NFIX: variants seen among roughly 807,000 people sequenced by gnomAD.
NFIX encodes the protein nuclear factor 1 X-type.
In NFIX, 2 loss-of-function variants were observed where a neutral mutation model predicts 53.3. That is an observed-to-expected ratio of 0.04 (90% CI 0.02 to 0.12). NFIX has a LOEUF of 0.12. Among genes scored for constraint, NFIX ranks in the 10% least tolerant of loss-of-function variants. The probability of loss-of-function intolerance (pLI) is 1.00; values close to 1 mark genes in which losing one functional copy is unlikely to be tolerated. For synonymous variants in NFIX, 244 were observed against 289.0 expected, an observed-to-expected ratio of 0.84 and a Z score of 1.58; for missense variants, 310 against 674.5, an observed-to-expected ratio of 0.46 and a Z score of 5.99.
chr19:13,076,961 C>G (rs2017140923), intron 6 of NFIX, among the ~76,000 whole-genome samples: 1 of 152,092 alleles, frequency 6.6e-6, no homozygotes, highest in South Asian at 2.1e-4. Context: ...GGGGCCCCTC[C>G]CAGGCTCTCC....
At chr19:13,035,954 G>A (rs1272317980) in intron 2 of NFIX, among the ~76,000 whole-genome samples, 3 of 152,168 alleles carry the variant, frequency 2.0e-5, no homozygotes, top group Non-Finnish European at 2.9e-5. Context: ...CAGTTTCAGC[G>A]TGTCATTCCT....
chr19:13,093,566 G>A lies in NFIX; in HGVS notation c.1495-1069G>A, dbSNP rs980419274. ...CATTTGAACCCTGGCTCTGTTGCCCGAGGGCTGTGTGGCCTCAGGCAGGTC... is the reference window on the plus strand; with the variant it reads ...CATTTGAACCCTGGCTCTGTTGCCCAAGGGCTGTGTGGCCTCAGGCAGGTC... On this transcript the variant is annotated intron_variant, in intron 10 of 10. Transcript: ENST00000592199. This position sits in a 1 kb window ranked among gnomAD's most constrained non-coding sequence, Gnocchi z 4.7. Among the ~76,000 whole-genome samples the A allele has an allele frequency of 6.6e-6, 1 of 152,200 alleles. No homozygotes were observed. The highest frequency in any genetic ancestry group is 1.5e-5 in the Non-Finnish European group (1 of 68,040).
intron 8 of NFIX, among the ~76,000 whole-genome samples, chr19:13,083,378 C>A (rs1271318769): frequency 6.6e-6 from 1 of 152,170 alleles, no homozygotes; most frequent in Admixed American, 6.5e-5. Context: ...TTCAGGCTGG[C>A]CTAGAGACCG....
rs189055957 is a variant in NFIX at position 13,090,670 on chromosome 19, C to T, written c.1494+280C>T. ...ACCCAAGTCTAGAGGCCCTCTGGGC[C>T]AGGCCTGGTAGAAGCAAAGATGGAA... On this transcript the variant is annotated intron_variant, in intron 10 of 10. Coordinates refer to ENST00000592199, the MANE Select transcript of NFIX (RefSeq NM_001365902.3). This position sits in a 1 kb window ranked among gnomAD's most constrained non-coding sequence, Gnocchi z 6.6. Among the ~76,000 whole-genome samples the T allele has an allele frequency of 4.4e-3, 666 of 152,354 alleles. 10 individuals carry two copies. Among genetic ancestry groups the T allele is most frequent in the South Asian group, 0.019 (92 of 4,834 alleles).
intron 1 of NFIX, among the ~76,000 whole-genome samples, chr19:13,010,182 G>A (rs2012254095): frequency 1.3e-5 from 2 of 152,156 alleles, no homozygotes; most frequent in Admixed American, 6.5e-5. Flanking sequence ...ACGACATCCC[G>A]CCTTGGCCTG....
chr19:13,061,703 G>T (rs926074023), intron 2 of NFIX, among the ~76,000 whole-genome samples: 1 of 152,226 alleles, frequency 6.6e-6, no homozygotes, highest in East Asian at 1.9e-4. Context: ...GCTGTCAGTC[G>T]GAGGATCAGT....
chr19:13,094,087 C>T lies in NFIX; in HGVS notation c.1495-548C>T, dbSNP rs553373346. Among the ~76,000 whole-genome samples the T allele has an allele frequency of 6.8e-4, 104 of 152,302 alleles. No individual in the cohort carries two copies. Among genetic ancestry groups the T allele is most frequent in the African/African-American group, 2.4e-3 (99 of 41,560 alleles). On this transcript the variant is annotated intron_variant, in intron 10 of 10. Coordinates refer to ENST00000592199, the MANE Select transcript of NFIX (RefSeq NM_001365902.3). The surrounding 1 kb of genome is among the most constrained non-coding windows in gnomAD (Gnocchi z 4.3). ...TACGTGGCCCCTCCCCCAGGCCTGG[C>T]GCTACTAGGGACTGAAGCTGTGTGG...
chr19:13,009,531 C>T lies in NFIX; in HGVS notation c.27+13667C>T, dbSNP rs2012214733. Among the ~76,000 whole-genome samples the T allele has an allele frequency of 6.6e-6, 1 of 152,218 alleles. No individual in the cohort carries two copies. Among genetic ancestry groups the T allele is most frequent in the African/African-American group, 2.4e-5 (1 of 41,460 alleles). Reference sequence around the variant, plus strand: ...AGCTTTTCATCCCCCTTCTGGCCACCTGAGGCTCCTCCTTCTGGCCTTCCC... The same window carrying T: ...AGCTTTTCATCCCCCTTCTGGCCACTTGAGGCTCCTCCTTCTGGCCTTCCC... On this transcript the variant is annotated intron_variant, in intron 1 of 10. Transcript: ENST00000592199. The surrounding 1 kb of genome is among the most constrained non-coding windows in gnomAD (Gnocchi z 4.7).
At position 12,996,849 on chromosome 19, in the gene NFIX, G is replaced by GGCAAAAGCTTCGAGGAT. The variant is rs1555693017; in HGVS notation, c.27+988_27+1004dup. The stretch of plus-strand genomic sequence containing the variant: ...AGTTCCCTGCGCGGCGCACGGCTGC[G>GGCAAAAGCTTCGAGGAT]GCAAAAGCTTCGAGGATGCCTGTCG... On this transcript the variant is annotated intron_variant, in intron 1 of 10. Transcript: ENST00000592199. This position sits in a 1 kb window ranked among gnomAD's most constrained non-coding sequence, Gnocchi z 5.2. 6.6e-6 allele frequency among the ~76,000 whole-genome samples: 1 copy of GGCAAAAGCTTCGAGGAT among 152,256 alleles called. No homozygotes were observed. The highest frequency in any genetic ancestry group is 1.5e-5 in the Non-Finnish European group (1 of 68,040).
chr19:13,013,801 C>T lies in NFIX; in HGVS notation c.28-11220C>T, dbSNP rs1370614451. On this transcript the variant is annotated intron_variant, in intron 1 of 10. Transcript: ENST00000592199. The surrounding 1 kb of genome is among the most constrained non-coding windows in gnomAD (Gnocchi z 5.9). Reference sequence around the variant, plus strand: ...GAGCTGGCGAGCCTCGCCTGTCCCGCGACTGAGCTTGCGGTCGCCCCGATT... The same window carrying T: ...GAGCTGGCGAGCCTCGCCTGTCCCGTGACTGAGCTTGCGGTCGCCCCGATT... 6.6e-6 allele frequency: 1 copy of T among 152,170 alleles called. No individual in the cohort carries two copies. Among genetic ancestry groups the T allele is most frequent in the Non-Finnish European group, 1.5e-5 (1 of 68,042 alleles). 9.4% of individuals were successfully genotyped at this position (152,170 alleles called of 1,614,324 possible).
In NFIX at chr19:13,012,423, G is replaced by C. The variant is rs576609259; in HGVS notation, c.28-12598G>C. Among the ~76,000 whole-genome samples the C allele has an allele frequency of 3.6e-4, 55 of 152,334 alleles. No homozygotes were observed. The highest frequency in any genetic ancestry group is 1.3e-3 in the African/African-American group (52 of 41,590). Reference sequence around the variant, plus strand: ...AAGCGCGGCTCCCTCTTGCCGGGGCGCGGCCTGCCCCTCACAGTGACCCCC... The same window carrying C: ...AAGCGCGGCTCCCTCTTGCCGGGGCCCGGCCTGCCCCTCACAGTGACCCCC... On this transcript the variant is annotated intron_variant, in intron 1 of 10. Coordinates refer to ENST00000592199, the MANE Select transcript of NFIX (RefSeq NM_001365902.3). This position sits in a 1 kb window ranked among gnomAD's most constrained non-coding sequence, Gnocchi z 5.0.
In NFIX at chr19:13,066,158, C is replaced by T. The variant is rs1472206654; in HGVS notation, c.560-6889C>T. On this transcript the variant is annotated intron_variant, in intron 2 of 10. Coordinates refer to ENST00000592199, the MANE Select transcript of NFIX (RefSeq NM_001365902.3). The surrounding 1 kb of genome is among the most constrained non-coding windows in gnomAD (Gnocchi z 4.2). ...AGATGAGCTGATGGACTTGCTTTCT[C>T]CTCGCTTCCCGAAGCCTTACTGCCG... Among the ~76,000 whole-genome samples the T allele has an allele frequency of 6.6e-6, 1 of 152,184 alleles. No individual in the cohort carries two copies. Among genetic ancestry groups the T allele is most frequent in the East Asian group, 1.9e-4 (1 of 5,190 alleles).
intron 1 of NFIX, among the ~76,000 whole-genome samples, chr19:13,019,723 G>T (rs74567914): frequency 0.016 from 1,827 of 115,390 alleles, 46 homozygotes; most frequent in African/African-American, 0.057. Flanking sequence ...TTTTTTTTTT[G>T]TTTGTTTGTT....
chr19:13,076,477 T>C (rs760859578), intron 6 of NFIX, among the ~76,000 whole-genome samples: 4 of 152,186 alleles, frequency 2.6e-5, no homozygotes, highest in Non-Finnish European at 4.4e-5. Flanking sequence ...TGCATGTGCA[T>C]GAGCACATGT....
In NFIX at chr19:13,089,044, G is replaced by C. The variant is rs2017978444; in HGVS notation, c.1402+908G>C. On this transcript the variant is annotated intron_variant, in intron 9 of 10. Coordinates refer to ENST00000592199, the MANE Select transcript of NFIX (RefSeq NM_001365902.3). The surrounding 1 kb of genome is among the most constrained non-coding windows in gnomAD (Gnocchi z 4.8). Reference sequence around the variant, plus strand: ...GCAGTTCGGTGGCGGTGGGAGGGGTGGCCCATCTCACACTGCTCTCCGCTC... The same window carrying C: ...GCAGTTCGGTGGCGGTGGGAGGGGTCGCCCATCTCACACTGCTCTCCGCTC... Among the ~76,000 whole-genome samples, 1 of 152,000 alleles carries C rather than the reference G, an allele frequency of 6.6e-6. No homozygotes were observed. The highest frequency in any genetic ancestry group is 1.5e-5 in the Non-Finnish European group (1 of 68,008).
intron 8 of NFIX, among the ~76,000 whole-genome samples, chr19:13,082,906 C>T (rs958883708): frequency 1.3e-5 from 2 of 152,248 alleles, no homozygotes; most frequent in African/African-American, 4.8e-5. Context: ...CCACCAGCCC[C>T]GTGCTGCCTT....
At position 13,009,287 on chromosome 19, in the gene NFIX, A is replaced by G. The variant is rs1405056999; in HGVS notation, c.27+13423A>G. Among the ~76,000 whole-genome samples, 2 of 152,026 alleles carry G rather than the reference A, an allele frequency of 1.3e-5. No individual in the cohort carries two copies. The highest frequency in any genetic ancestry group is 4.8e-5 in the African/African-American group (2 of 41,434). On this transcript the variant is annotated intron_variant, in intron 1 of 10. Transcript: ENST00000592199. The surrounding 1 kb of genome is among the most constrained non-coding windows in gnomAD (Gnocchi z 4.7). The stretch of plus-strand genomic sequence containing the variant: ...AATAAAAATAACAGCTACCGACTCC[A>G]GAGCAATTATGCCTGGGCAGCGGGT...
In NFIX at chr19:13,025,687, C is replaced by A; in HGVS notation, c.559+135C>A. 1.0e-6 allele frequency: 1 copy of A among 980,168 alleles called. No individual in the cohort carries two copies. The highest frequency in any genetic ancestry group is 2.6e-5 in the East Asian group (1 of 38,658). 60.7% of individuals were successfully genotyped at this position (980,168 alleles called of 1,614,324 possible). A position where few individuals can be genotyped will look rare whatever the true frequency, so the allele number is the denominator to read the frequency against. ...GTGTATGCCCGTCCTGCGGGGCCTGCAACACGGTTCTATGGGCCCTTTTCC... is the reference window on the plus strand; with the variant it reads ...GTGTATGCCCGTCCTGCGGGGCCTGAAACACGGTTCTATGGGCCCTTTTCC... On this transcript the variant is annotated intron_variant, in intron 2 of 10. Coordinates refer to ENST00000592199, the MANE Select transcript of NFIX (RefSeq NM_001365902.3). This position sits in a 1 kb window ranked among gnomAD's most constrained non-coding sequence, Gnocchi z 7.5.
intron 7 of NFIX, among the ~76,000 whole-genome samples, chr19:13,080,658 C>T (rs1167624580): frequency 6.6e-6 from 1 of 151,846 alleles, no homozygotes; most frequent in African/African-American, 2.4e-5. Context: ...GAGCTGTGAT[C>T]ATGCCACTGC....
Sources: gnomAD v4.1 joint callset for allele counts (sites outside exome capture counted in the v4.1 genomes callset) on GRCh38, gnomAD v4.1.1 for gene constraint, Gnocchi (gnomAD v3.1) non-coding constraint, MANE v1.5 for transcripts, NCBI Gene and HGNC (gene_info 2026-07-23, HGNC 2026-07-21) for gene names.